KIF15: variants seen among roughly 807,000 people sequenced by gnomAD.
KIF15 encodes the protein kinesin family member 15.
Under a neutral mutation model 190.6 loss-of-function variants are expected in KIF15, and 140 were observed. The observed-to-expected ratio is 0.73, with a 90% CI of 0.64 to 0.84. The LOEUF (loss-of-function observed/expected upper bound fraction) is 0.84, where lower values mean the gene tolerates loss of function less well. Among genes scored for constraint, KIF15 ranks in the 40% least tolerant of loss-of-function variants. KIF15 has a pLI of 0.00. For synonymous variants in KIF15, 528 were observed against 551.3 expected (o/e 0.96, Z 0.59); for missense variants, 1,372 against 1,584.4 (o/e 0.87, Z 2.28).
In KIF15 at chr3:44,805,011, GT is replaced by G; in HGVS notation, c.1688-12del. ...AAAAAAAAAAAAAAAGACTGAGATT[GT>G]TTTCTTATTAACAGATCAGCAAGGA... On this transcript the variant is annotated splice_polypyrimidine_tract_variant and intron_variant, in intron 14 of 34. Transcript: ENST00000326047. 6.4e-7 allele frequency: 1 copy of G among 1,556,964 alleles called. No individual in the cohort carries two copies. Among genetic ancestry groups the G allele is most frequent in the Non-Finnish European group, 8.7e-7 (1 of 1,148,428 alleles).
chr3:44,831,958 A>T (rs915590510), intron 26 of KIF15, among the ~76,000 whole-genome samples: 7 of 152,144 alleles, frequency 4.6e-5, no homozygotes, highest in Non-Finnish European at 5.9e-5. Context: ...TATTGAATCC[A>T]CCTACTATAC....
At chr3:44,789,649 T>TAA (rs1182624649) in intron 7 of KIF15, among the ~76,000 whole-genome samples, 1 of 4,938 alleles carries the variant, frequency 2.0e-4, no homozygotes, top group Non-Finnish European at 4.5e-4. Context: ...ATTTTATATA[T>TAA]ATATATATAT....
chr3:44,792,451 G>T (rs1312940132), intron 7 of KIF15, among the ~76,000 whole-genome samples: 1 of 151,928 alleles, frequency 6.6e-6, no homozygotes, highest in Non-Finnish European at 1.5e-5. Context: ...TCCAGCCTGG[G>T]TAACAAAGTG....
At chr3:44,781,041 A>G (rs1301014973) in intron 5 of KIF15, 119 bp downstream of exon 5, 11 of 738,054 alleles carry the variant, frequency 1.5e-5, no homozygotes, top group East Asian at 2.7e-5. Flanking sequence ...AAATTAGGGA[A>G]ATTCCCTAGG....
In KIF15 at chr3:44,794,245, G is replaced by T. The variant is rs745325493; in HGVS notation, c.668G>T (p.Arg223Leu). Residue 223 changes from arginine (R) to leucine (L), a missense_variant, in exon 8 of 35, where the codon CGT becomes CTT. Transcript: ENST00000326047. Reference sequence around the variant, plus strand: ...TTGTCTGGAGGATGGAGGAATAGACGTGTGGCATCAACATCAATGAACAGA... The same window carrying T: ...TTGTCTGGAGGATGGAGGAATAGACTTGTGGCATCAACATCAATGAACAGA... ...QVLSGGWRNRRVASTSMNRES... is the reference protein window; with the variant it reads ...QVLSGGWRNRLVASTSMNRES... The T allele has an allele frequency of 6.2e-7, 1 of 1,613,764 alleles. No individual in the cohort carries two copies. The highest frequency in any genetic ancestry group is 1.7e-5 in the Admixed American group (1 of 59,962).
At chr3:44,866,172 G>A (rs1410282285) in intron 6 of KIF15, among the ~76,000 whole-genome samples, 6 of 150,708 alleles carry the variant, frequency 4.0e-5, no homozygotes, top group Admixed American at 2.6e-4. Flanking sequence ...TCCCGGGTTC[G>A]CGCCATTCTC....
At chr3:44,788,010 A>G (rs939488223) in intron 7 of KIF15, among the ~76,000 whole-genome samples, 11 of 152,122 alleles carry the variant, frequency 7.2e-5, no homozygotes, top group Non-Finnish European at 1.6e-4. Flanking sequence ...GCGCACTGCC[A>G]TGCCTGGCTA....
chr3:44,821,249 C>T (rs529833110), intron 20 of KIF15, among the ~76,000 whole-genome samples: 1,760 of 142,188 alleles, frequency 0.012, 41 homozygotes, highest in African/African-American at 0.044. Context: ...GCTGGCCGGG[C>T]GGAGGGCTGA....
chr3:44,800,380 G>C lies in KIF15; in HGVS notation c.1165G>C (p.Glu389Gln). ...CCAAGCTGAAGTGAAGAGGCTCAAA[G>C]AACAACTGGCGGAGCTTGCTTCAGG... The part of the protein sequence containing the change: ...QLQAEVKRLK[E>Q]QLAELASGQT... The change falls in exon 11 of 35, where the codon GAA becomes CAA. Residue 389 changes from glutamate to glutamine, a missense_variant. Physicochemically the swap from Glu to Gln is conservative, Grantham distance 29. Coordinates refer to ENST00000326047, the MANE Select transcript of KIF15 (RefSeq NM_020242.3). The C allele has an allele frequency of 6.2e-7, 1 of 1,614,204 alleles. No individual in the cohort carries two copies. The highest frequency in any genetic ancestry group is 1.7e-5 in the Admixed American group (1 of 60,018).
rs376526822 is a variant in KIF15, at chr3:44,798,835, C to G, written c.1098+879C>G. 5.9e-5 allele frequency among the ~76,000 whole-genome samples: 9 copies of G among 152,270 alleles called. No homozygotes were observed. The East Asian group carries it at 1.4e-3, about 23-fold the overall frequency. ...TCAGTTCCATCCTGACACTTTATGT[C>G]TGGAGATAGGGTGAGATCTCACAGG... On this transcript the variant is annotated intron_variant, in intron 10 of 34. Coordinates refer to ENST00000326047, the MANE Select transcript of KIF15 (RefSeq NM_020242.3).
intron 32 of KIF15, among the ~76,000 whole-genome samples, chr3:44,849,188 T>C (rs1371038838): frequency 1.3e-5 from 2 of 152,252 alleles, no homozygotes; most frequent in Non-Finnish European, 2.9e-5. Flanking sequence ...TTGCTTATTA[T>C]ACTGATTTAA....
Position 44,841,645 on chromosome 3 carries a change from A to G in KIF15, c.3585+407A>G, listed in dbSNP as rs564696274. Among the ~76,000 whole-genome samples, 20 of 152,086 alleles carry G rather than the reference A, an allele frequency of 1.3e-4. No individual in the cohort carries two copies. In the East Asian group the frequency reaches 3.7e-3, roughly 28 times the overall value. On this transcript the variant is annotated intron_variant, in intron 29 of 34. Coordinates refer to ENST00000326047, the MANE Select transcript of KIF15 (RefSeq NM_020242.3). ...GATCTCCTGACCTCATGATCCGCCTACCTCAGCCTCCCAAAGTGCTGGGAT... is the reference window on the plus strand; with the variant it reads ...GATCTCCTGACCTCATGATCCGCCTGCCTCAGCCTCCCAAAGTGCTGGGAT...
chr3:44,852,328 A>T lies in KIF15; in HGVS notation c.4093A>T (p.Arg1365Trp). 4 of 1,607,134 alleles carry T rather than the reference A, an allele frequency of 2.5e-6. No homozygotes were observed. Among genetic ancestry groups the T allele is most frequent in the Non-Finnish European group, 3.4e-6 (4 of 1,175,516 alleles). ...YVVRLKKENV[R>W]LAEETEKLRA... ...AGTGCGACTAAAGAAGGAAAATGTC[A>T]GGCTTGCTGAGGTAAACCTAAAAAT... is the stretch of plus-strand genomic sequence containing the variant. Residue 1365 changes from arginine (R) to tryptophan (W), a missense_variant, in exon 34 of 35, where the codon AGG becomes TGG. Physicochemically the swap from Arg to Trp is moderately radical, Grantham distance 101. Coordinates refer to ENST00000326047, the MANE Select transcript of KIF15 (RefSeq NM_020242.3).
intron 26 of KIF15, among the ~76,000 whole-genome samples, chr3:44,832,379 C>G (rs1698114892): frequency 6.6e-6 from 1 of 152,078 alleles, no homozygotes; most frequent in African/African-American, 2.4e-5. Context: ...GAAGTCAGAG[C>G]TAAGAAATGC....
chr3:44,849,314 A>G (rs962605368), intron 32 of KIF15, among the ~76,000 whole-genome samples: 2 of 152,220 alleles, frequency 1.3e-5, no homozygotes, highest in African/African-American at 4.8e-5. Flanking sequence ...GATATACAAT[A>G]TAGTGACATT....
intron 10 of KIF15, 71 bp downstream of exon 10, chr3:44,798,027 G>C (rs563816642): frequency 4.4e-6 from 6 of 1,350,432 alleles, no homozygotes; most frequent in African/African-American, 1.5e-5. Flanking sequence ...CCATTTTTGT[G>C]ATTGCCCTAA....
intron 20 of KIF15, among the ~76,000 whole-genome samples, chr3:44,823,106 C>G (rs562920126): frequency 6.6e-6 from 1 of 152,278 alleles, no homozygotes; most frequent in East Asian, 1.9e-4. Context: ...TTAGAATTTT[C>G]AGCTTTTCTC....
At chr3:44,815,641 T>C (rs1395830701) in intron 20 of KIF15, among the ~76,000 whole-genome samples, 1 of 152,224 alleles carries the variant, frequency 6.6e-6, no homozygotes, top group East Asian at 1.9e-4. Context: ...CTGTGCACAC[T>C]AACTCTACAA....
intron 16 of KIF15, among the ~76,000 whole-genome samples, chr3:44,809,100 A>G (rs1246259353): frequency 6.6e-6 from 1 of 151,996 alleles, no homozygotes. Flanking sequence ...GCATAGATGC[A>G]CTCCTTTCCC....
Sources: gnomAD v4.1 joint callset for allele counts (sites outside exome capture counted in the v4.1 genomes callset) on GRCh38, gnomAD v4.1.1 for gene constraint, MANE v1.5 for transcripts, NCBI Gene and HGNC (gene_info 2026-07-23, HGNC 2026-07-21) for gene names.